The following HACD2 variants were observed in gnomAD, a reference collection of about 807,000 sequenced individuals.
The protein encoded by HACD2 is very-long-chain (3R)-3-hydroxyacyl-CoA dehydratase 2.
A neutral mutation model predicts 31.0 loss-of-function variants in HACD2; 15 were observed. That is an observed-to-expected ratio of 0.48 (90% CI 0.32 to 0.75). HACD2 has a LOEUF of 0.75. Ranked by LOEUF, HACD2 falls within the 30% of genes least tolerant of loss-of-function variation. The pLI, the probability that HACD2 is intolerant of heterozygous loss-of-function variation, is 0.03. For missense variants in HACD2, 283 were observed against 313.0 expected (o/e 0.90, Z 0.72); for synonymous variants, 115 against 122.2 (o/e 0.94, Z 0.39).
chr3:123,568,975 A>G (rs2056824183), intron 2 of HACD2, among the ~76,000 whole-genome samples: 1 of 152,052 alleles, frequency 6.6e-6, no homozygotes, highest in East Asian at 1.9e-4. Context: ...TTCATTGTGC[A>G]TTAGTTATGA....
chr3:123,563,768 T>A (rs1204414914), intron 3 of HACD2, among the ~76,000 whole-genome samples: 1 of 152,076 alleles, frequency 6.6e-6, no homozygotes, highest in African/African-American at 2.4e-5. Flanking sequence ...ACCTCACACA[T>A]TTATTTGTGG....
chr3:123,524,063 A>G (rs1156316857), intron 4 of HACD2, among the ~76,000 whole-genome samples: 1 of 152,240 alleles, frequency 6.6e-6, no homozygotes, highest in Non-Finnish European at 1.5e-5. Context: ...TTCTTCAAGA[A>G]TGAAACAATG....
intron 3 of HACD2, among the ~76,000 whole-genome samples, chr3:123,558,376 A>G (rs1475705718): frequency 6.6e-6 from 1 of 152,184 alleles, no homozygotes; most frequent in East Asian, 1.9e-4. Flanking sequence ...AAACCCAACG[A>G]TTGTACAATG....
intron 3 of HACD2, among the ~76,000 whole-genome samples, chr3:123,555,319 T>C (rs1198171893): frequency 6.6e-6 from 1 of 152,126 alleles, no homozygotes; most frequent in Non-Finnish European, 1.5e-5. Flanking sequence ...ATGATATGAT[T>C]ATCTATATAG....
intron 2 of HACD2, among the ~76,000 whole-genome samples, chr3:123,569,725 C>T (rs187520446): frequency 9.9e-5 from 15 of 152,080 alleles, no homozygotes; most frequent in South Asian, 6.2e-4. Context: ...TGGTGGCTCA[C>T]GCGTATAATC....
intron 3 of HACD2, among the ~76,000 whole-genome samples, chr3:123,545,486 AAAATAAATAAAT>A (rs138722084): frequency 5.4e-4 from 61 of 112,948 alleles, no homozygotes; most frequent in Admixed American, 3.6e-3. Flanking sequence ...AGTCTCAGTA[AAAATAAATAAAT>A]AAATAAATAA....
chr3:123,537,621 AG>A (rs1391905851), intron 3 of HACD2, among the ~76,000 whole-genome samples: 1 of 151,530 alleles, frequency 6.6e-6, no homozygotes, highest in African/African-American at 2.4e-5. Flanking sequence ...GGTAAAAAAA[AG>A]TTTTAAAATT....
At chr3:123,511,471 G>A (rs2056062605) in intron 4 of HACD2, among the ~76,000 whole-genome samples, 1 of 152,122 alleles carries the variant, frequency 6.6e-6, no homozygotes. Flanking sequence ...TAAATGTGAT[G>A]TTTACTTAGT....
chr3:123,512,529 C>T (rs1036879449), intron 4 of HACD2, among the ~76,000 whole-genome samples: 4 of 152,048 alleles, frequency 2.6e-5, no homozygotes, highest in Non-Finnish European at 1.5e-5. Flanking sequence ...CAGGTATGAA[C>T]CAGAGGCCTG....
chr3:123,572,102 T>C (rs371577928), intron 2 of HACD2, among the ~76,000 whole-genome samples: 24 of 152,258 alleles, frequency 1.6e-4, no homozygotes, highest in African/African-American at 5.8e-4. Flanking sequence ...AGTGGTGAAG[T>C]GAAGTGGTGG....
chr3:123,564,713 T>C (rs1471955204), intron 3 of HACD2, among the ~76,000 whole-genome samples: 1 of 152,096 alleles, frequency 6.6e-6, no homozygotes, highest in African/African-American at 2.4e-5. Context: ...TATAGTAGTA[T>C]AAGGGAAATA....
At chr3:123,576,218 C>A (rs188066417) in intron 2 of HACD2, among the ~76,000 whole-genome samples, 1 of 151,198 alleles carries the variant, frequency 6.6e-6, no homozygotes, top group African/African-American at 2.4e-5. Context: ...CTCCTTCGTG[C>A]CCTATATTGC....
At chr3:123,567,535 A>G (rs1007770510) in intron 3 of HACD2, among the ~76,000 whole-genome samples, 3 of 152,220 alleles carry the variant, frequency 2.0e-5, no homozygotes, top group Non-Finnish European at 4.4e-5. Context: ...TTTTAAATTA[A>G]CAGAACAAAA....
chr3:123,546,964 A>G (rs2056567097), intron 3 of HACD2, among the ~76,000 whole-genome samples: 1 of 152,216 alleles, frequency 6.6e-6, no homozygotes, highest in African/African-American at 2.4e-5. Context: ...CAGAGTTCAT[A>G]TCTAAAAAAA....
At chr3:123,558,067 T>C (rs990134478) in intron 3 of HACD2, among the ~76,000 whole-genome samples, 16 of 152,194 alleles carry the variant, frequency 1.1e-4, no homozygotes, top group African/African-American at 3.6e-4. Context: ...TTGTGGTACA[T>C]CCAGACAACG....
At position 123,502,627 on chromosome 3, in the gene HACD2, T is replaced by C. The variant is rs1369315313; in HGVS notation, c.436A>G (p.Ile146Val). Residue 146 changes from isoleucine (I) to valine (V), a missense_variant, in exon 5 of 7, where the codon ATC becomes GTC. Physicochemically the swap from Ile to Val is conservative, Grantham distance 29. This residue lies in a region of HACD2 where 85 missense variants were observed against 129.6 expected (regional missense o/e 0.66). Transcript: ENST00000383657. ...AATGTATAAAAGGAGTAACGGATGA[T>C]TTCCGTGATCGTCCATGCAATAACA... ...LFVIAWTITEIIRYSFYTFSL... is the reference protein window; with the variant it reads ...LFVIAWTITEVIRYSFYTFSL... 6.2e-7 allele frequency: 1 copy of C among 1,608,236 alleles called. No individual in the cohort carries two copies. The highest frequency in any genetic ancestry group is 8.5e-7 in the Non-Finnish European group (1 of 1,177,106).
At chr3:123,560,273 A>T (rs1559928678) in intron 3 of HACD2, among the ~76,000 whole-genome samples, 1 of 152,202 alleles carries the variant, frequency 6.6e-6, no homozygotes. Context: ...CGCTTAACTG[A>T]TTTGGGAAAG....
intron 3 of HACD2, among the ~76,000 whole-genome samples, chr3:123,543,224 G>C (rs2056515613): frequency 6.6e-6 from 1 of 152,202 alleles, no homozygotes; most frequent in Non-Finnish European, 1.5e-5. Flanking sequence ...ATTGGTAGCT[G>C]AAGCCAATTT....
At chr3:123,569,523 G>A (rs1228341351) in intron 2 of HACD2, among the ~76,000 whole-genome samples, 1 of 151,980 alleles carries the variant, frequency 6.6e-6, no homozygotes, top group Non-Finnish European at 1.5e-5. Context: ...CACTACGCCT[G>A]GCTAATTTTT....
Sources: gnomAD v4.1 joint callset for allele counts (sites outside exome capture counted in the v4.1 genomes callset) on GRCh38, gnomAD v4.1.1 for gene constraint, gnomAD v4.1.1 regional missense constraint, MANE v1.5 for transcripts, NCBI Gene and HGNC (gene_info 2026-07-23, HGNC 2026-07-21) for gene names.